MAPK9: variants seen among roughly 807,000 people sequenced by gnomAD.
The protein encoded by MAPK9 is mitogen-activated protein kinase 9.
MAPK9 carries 30 observed loss-of-function variants against 57.1 expected under a neutral mutation model. That is an observed-to-expected ratio of 0.53 (90% confidence interval 0.39 to 0.71). The LOEUF is 0.71. MAPK9 is among the 30% of genes least tolerant of loss of function. The pLI is 0.00. For missense variants in MAPK9, 362 were observed against 521.0 expected, an observed-to-expected ratio of 0.69 and a Z score of 2.97; for synonymous variants, 155 against 177.0, an observed-to-expected ratio of 0.88 and a Z score of 0.99.
chr5:180,260,350 T>A (rs909686490), intron 5 of MAPK9, among the ~76,000 whole-genome samples: 4 of 152,228 alleles, frequency 2.6e-5, no homozygotes, highest in African/African-American at 9.6e-5. Context: ...ATTTTCATTT[T>A]AATAATTATT....
intron 8 of MAPK9, 24 bp from the exon 9 acceptor site, chr5:180,241,179 T>G: frequency 6.3e-7 from 1 of 1,598,844 alleles, no homozygotes; most frequent in Non-Finnish European, 8.5e-7. Flanking sequence ...AAATATTAAA[T>G]TAATGCTGTT....
chr5:180,269,323 GCT>G lies in MAPK9; in HGVS notation c.207_208del (p.Arg69SerfsTer4). 6.2e-7 allele frequency: 1 copy of G among 1,614,014 alleles called. No individual in the cohort carries two copies. On this transcript the variant is annotated frameshift_variant, in exon 3 of 12. Coordinates refer to ENST00000452135, the MANE Select transcript of MAPK9 (RefSeq NM_002752.5). LOFTEE classifies it high-confidence loss of function. ...TTTTAAGAGGACAAGTTCACGATAA[GCT>G]CTCTTTGCATGAGTTTGGTTCTGAA...
intron 3 of MAPK9, among the ~76,000 whole-genome samples, chr5:180,266,694 C>T (rs761284748): frequency 2.0e-5 from 3 of 151,810 alleles, no homozygotes; most frequent in Non-Finnish European, 4.4e-5. Flanking sequence ...TTCAAGCGAC[C>T]CTCCTGCCTC....
intron 1 of MAPK9, among the ~76,000 whole-genome samples, chr5:180,286,544 T>C (rs1762789050): frequency 6.6e-6 from 1 of 151,804 alleles, no homozygotes. Context: ...CTGTAGTTCT[T>C]AAGCCACAGT....
chr5:180,262,189 A>C (rs1344157389), intron 4 of MAPK9, among the ~76,000 whole-genome samples: 1 of 152,160 alleles, frequency 6.6e-6, no homozygotes, highest in South Asian at 2.1e-4. Flanking sequence ...AGAACGGGGG[A>C]GGCTCTGCAC....
At chr5:180,252,816 T>C (rs1758852919) in intron 5 of MAPK9, among the ~76,000 whole-genome samples, 1 of 151,854 alleles carries the variant, frequency 6.6e-6, no homozygotes, top group Non-Finnish European at 1.5e-5. Context: ...GCTGAGGGTA[T>C]GAATAACAGG....
chr5:180,265,298 C>T (rs981936913), intron 3 of MAPK9, among the ~76,000 whole-genome samples: 25 of 152,178 alleles, frequency 1.6e-4, no homozygotes, highest in African/African-American at 6.0e-4. Flanking sequence ...CTGCGGCAGG[C>T]CTCCATCCTG....
intron 2 of MAPK9, among the ~76,000 whole-genome samples, chr5:180,279,454 AAAC>A (rs1298595028): frequency 4.6e-5 from 7 of 152,312 alleles, no homozygotes; most frequent in African/African-American, 4.8e-5. Flanking sequence ...GGGCTGAAAA[AAAC>A]AACTGTTTCC....
chr5:180,281,644 C>T (rs1033329940), intron 1 of MAPK9, among the ~76,000 whole-genome samples: 1 of 152,158 alleles, frequency 6.6e-6, no homozygotes, highest in African/African-American at 2.4e-5. Flanking sequence ...TAACGTCAAC[C>T]TAATGAGATT....
chr5:180,287,302 T>C (rs1264501907), intron 1 of MAPK9, among the ~76,000 whole-genome samples: 1 of 152,228 alleles, frequency 6.6e-6, no homozygotes, highest in African/African-American at 2.4e-5. Context: ...TTTAGACATT[T>C]TACTACAGTT....
intron 1 of MAPK9, among the ~76,000 whole-genome samples, chr5:180,282,128 G>GGACAGGAA (rs1762366937): frequency 6.6e-6 from 1 of 152,184 alleles, no homozygotes; most frequent in African/African-American, 2.4e-5. Context: ...AAGGACAGGA[G>GGACAGGAA]GACAGGAAGC....
At position 180,247,482 on chromosome 5, in the gene MAPK9, C is replaced by T. The variant is rs746133033; in HGVS notation, c.645G>A (p.Met215Ile). 1 of 1,614,156 alleles carries T rather than the reference C, an allele frequency of 6.2e-7. No homozygotes were observed. The highest frequency in any genetic ancestry group is 1.7e-5 in the Admixed American group (1 of 60,024). Residue 215 changes from methionine to isoleucine, a missense_variant, in exon 7 of 12, where the codon ATG becomes ATA. This residue lies in a region of MAPK9 where 127 missense variants were observed against 231.7 expected (regional missense o/e 0.55). Transcript: ENST00000452135. This position sits in a 1 kb window ranked among gnomAD's most constrained non-coding sequence, Gnocchi z 4.5. ...TCACACAACCTTTCACCAGCTCTCC[C>T]ATGATGCAACCCACTGACCAGATAT... ...NVDIWSVGCI[M>I]GELVKGCVIF...
chr5:180,274,965 A>G (rs1178729826), intron 2 of MAPK9, among the ~76,000 whole-genome samples: 1 of 152,168 alleles, frequency 6.6e-6, no homozygotes, highest in Admixed American at 6.6e-5. Flanking sequence ...TAATTCAATT[A>G]CTATAGTTTT....
At chr5:180,283,860 G>A (rs1159124381) in intron 1 of MAPK9, among the ~76,000 whole-genome samples, 1 of 152,186 alleles carries the variant, frequency 6.6e-6, no homozygotes, top group Non-Finnish European at 1.5e-5. Context: ...CATTTGAACC[G>A]GGAGGTGGAG....
intron 3 of MAPK9, among the ~76,000 whole-genome samples, chr5:180,268,362 GAAC>G (rs957541458): frequency 2.0e-5 from 3 of 152,170 alleles, no homozygotes; most frequent in Admixed American, 6.5e-5. Context: ...CCTACTTATA[GAAC>G]AACATCTTTC....
At chr5:180,236,637 C>G in intron 11 of MAPK9, 111 bp from the exon 12 acceptor site, 1 of 1,194,346 alleles carries the variant, frequency 8.4e-7, no homozygotes, top group Non-Finnish European at 1.2e-6. Context: ...GTTTCCCAAT[C>G]CTAACTATGA....
chr5:180,238,303 T>A, intron 11 of MAPK9, 29 bp downstream of exon 11: 1 of 1,561,244 alleles, frequency 6.4e-7, no homozygotes, highest in Non-Finnish European at 8.8e-7. Context: ...AAGAAAAATA[T>A]CATACAATCA....
chr5:180,246,863 C>G (rs1758158347), intron 7 of MAPK9: 1 of 152,430 alleles, frequency 6.6e-6, no homozygotes, highest in Non-Finnish European at 1.5e-5. Context: ...AAAAATTCTA[C>G]AAAATGTCAG....
intron 4 of MAPK9, among the ~76,000 whole-genome samples, chr5:180,263,517 G>A (rs1760202055): frequency 6.6e-6 from 1 of 152,020 alleles, no homozygotes; most frequent in Admixed American, 6.5e-5. Context: ...TAGAGCAAAA[G>A]ACATCCTTAC....
Sources: gnomAD v4.1 joint callset for allele counts (sites outside exome capture counted in the v4.1 genomes callset) on GRCh38, gnomAD v4.1.1 for gene constraint, gnomAD v4.1.1 regional missense constraint, Gnocchi (gnomAD v3.1) non-coding constraint, MANE v1.5 for transcripts, NCBI Gene and HGNC (gene_info 2026-07-23, HGNC 2026-07-21) for gene names.